The following VIPR2 variants were observed in gnomAD, a reference collection of about 807,000 sequenced individuals.
VIPR2 encodes vasoactive intestinal peptide receptor 2.
A neutral mutation model predicts 58.0 loss-of-function variants in VIPR2; 48 were observed. That is an observed-to-expected ratio of 0.83 (90% CI 0.66 to 1.05). The LOEUF (loss-of-function observed/expected upper bound fraction) is 1.05. VIPR2 is among the 50% of genes least tolerant of loss of function. The pLI is 0.00. For synonymous variants in VIPR2, 243 were observed against 235.2 expected, an observed-to-expected ratio of 1.03 and a Z score of -0.30; for missense variants, 534 against 558.0, an observed-to-expected ratio of 0.96 and a Z score of 0.43.
At chr7:159,035,108 T>A (rs545021919) in intron 8 of VIPR2, among the ~76,000 whole-genome samples, 2 of 152,312 alleles carry the variant, frequency 1.3e-5, no homozygotes, top group African/African-American at 4.8e-5. Flanking sequence ...GCATGGGGTG[T>A]CTCCAGCAGG....
At chr7:159,087,249 C>A (rs1196424932) in intron 4 of VIPR2, among the ~76,000 whole-genome samples, 1 of 131,946 alleles carries the variant, frequency 7.6e-6, no homozygotes, top group Non-Finnish European at 1.6e-5. Context: ...GGCTTCCCAA[C>A]AAACAATAAC....
intron 2 of VIPR2, among the ~76,000 whole-genome samples, chr7:159,138,131 G>A (rs988794921): frequency 2.0e-5 from 3 of 152,224 alleles, no homozygotes; most frequent in Admixed American, 6.5e-5. Flanking sequence ...CAGCATCGCA[G>A]GGCAGCTGAG....
At chr7:159,133,232 T>G (rs376463129) in intron 2 of VIPR2, among the ~76,000 whole-genome samples, 1,947 of 151,762 alleles carry the variant, frequency 0.013, 1 homozygote, top group South Asian at 0.033. Flanking sequence ...AGCAGCCACC[T>G]GAGGCTGAAG....
chr7:159,120,139 C>G (rs898531074), intron 2 of VIPR2, among the ~76,000 whole-genome samples: 2 of 152,228 alleles, frequency 1.3e-5, no homozygotes, highest in Admixed American at 6.5e-5. Flanking sequence ...GCGGCCCACA[C>G]AGCCGTGCCT....
At chr7:159,072,978 A>AT (rs1018066450) in intron 4 of VIPR2, among the ~76,000 whole-genome samples, 12 of 152,320 alleles carry the variant, frequency 7.9e-5, no homozygotes, top group African/African-American at 2.9e-4. Context: ...CAGAAGAGCT[A>AT]TTTTTTTAAA....
Position 159,127,346 on chromosome 7 carries a change from G to A in VIPR2, c.151+15100C>T, listed in dbSNP as rs903114534. Among the ~76,000 whole-genome samples, 2 of 152,166 alleles carry A rather than the reference G, an allele frequency of 1.3e-5. No individual in the cohort carries two copies. Among genetic ancestry groups the A allele is most frequent in the African/African-American group, 4.8e-5 (2 of 41,438 alleles). On this transcript the variant is annotated intron_variant, in intron 2 of 12. Coordinates refer to ENST00000262178, the MANE Select transcript of VIPR2 (RefSeq NM_003382.5). This position sits in a 1 kb window ranked among gnomAD's most constrained non-coding sequence, Gnocchi z 4.6. ...GGGTTCAGGTGGATTCCACAGGCGG[G>A]GGCCACATTCTGGTACCTGAACAAA...
At chr7:159,033,505 T>G (rs1225490172) in intron 10 of VIPR2, among the ~76,000 whole-genome samples, 2 of 152,224 alleles carry the variant, frequency 1.3e-5, no homozygotes, top group Non-Finnish European at 2.9e-5. Flanking sequence ...AATAAATTCT[T>G]GATATAAATT....
At position 159,084,546 on chromosome 7, in the gene VIPR2, G is replaced by A. The variant is rs569130315; in HGVS notation, c.357+19211C>T. Among the ~76,000 whole-genome samples the A allele has an allele frequency of 7.9e-5, 12 of 152,288 alleles. No homozygotes were observed. The East Asian group carries it at 1.4e-3, about 17-fold the overall frequency. On this transcript the variant is annotated intron_variant, in intron 4 of 12. Coordinates refer to ENST00000262178, the MANE Select transcript of VIPR2 (RefSeq NM_003382.5). The stretch of plus-strand genomic sequence containing the variant: ...TTCAGGCTCCTGCAGAGAGGGCGCC[G>A]GGCACGGGATTCAGGGCACTATGCC...
chr7:159,069,346 A>G (rs1041832836), intron 4 of VIPR2, among the ~76,000 whole-genome samples: 1 of 152,162 alleles, frequency 6.6e-6, no homozygotes, highest in Admixed American at 6.5e-5. Flanking sequence ...ACCCACGTGC[A>G]GTCTGGCTGG....
chr7:159,129,977 G>C (rs746749539), intron 2 of VIPR2, among the ~76,000 whole-genome samples: 2 of 121,096 alleles, frequency 1.7e-5, no homozygotes, highest in African/African-American at 7.8e-5. Flanking sequence ...GCGGGGACAG[G>C]GCCAGGTGAC....
intron 3 of VIPR2, among the ~76,000 whole-genome samples, chr7:159,106,951 G>A (rs1330966882): frequency 6.6e-6 from 1 of 151,282 alleles, no homozygotes; most frequent in Non-Finnish European, 1.5e-5. Flanking sequence ...GAGGTACAGA[G>A]AGAGGCCAGG....
At chr7:159,115,862 C>T (rs1796216896) in intron 2 of VIPR2, among the ~76,000 whole-genome samples, 1 of 152,252 alleles carries the variant, frequency 6.6e-6, no homozygotes, top group African/African-American at 2.4e-5. Flanking sequence ...TCTAGTCTTT[C>T]CTAAGCACTC....
In VIPR2 at chr7:159,031,059, C is replaced by T. The variant is rs563623579; in HGVS notation, c.1144-270G>A. ...GCCACTGCCGCGGTAAGCGCAGTCC[C>T]ACAGTCTCAGATAGTTAATATTTCT... On this transcript the variant is annotated intron_variant, in intron 12 of 12. Coordinates refer to ENST00000262178, the MANE Select transcript of VIPR2 (RefSeq NM_003382.5). This position sits in a 1 kb window ranked among gnomAD's most constrained non-coding sequence, Gnocchi z 4.0. 6.6e-6 allele frequency among the ~76,000 whole-genome samples: 1 copy of T among 152,312 alleles called. No individual in the cohort carries two copies. The highest frequency in any genetic ancestry group is 2.1e-4 in the South Asian group (1 of 4,830).
chr7:159,100,172 A>T (rs1386281605), intron 4 of VIPR2, among the ~76,000 whole-genome samples: 2 of 152,194 alleles, frequency 1.3e-5, no homozygotes, highest in African/African-American at 4.8e-5. Flanking sequence ...TGTCCCGACC[A>T]GATGGCAACA....
At chr7:159,103,726 C>T (rs180915809) in intron 4 of VIPR2, 31 bp downstream of exon 4, 2 of 1,572,578 alleles carry the variant, frequency 1.3e-6, no homozygotes, top group East Asian at 2.2e-5. Flanking sequence ...GAAGTGGAAC[C>T]TCACCACCGT....
Position 159,036,687 on chromosome 7 carries a change from T to C in VIPR2, c.748+65A>G, listed in dbSNP as rs949436723. On this transcript the variant is annotated intron_variant, in intron 7 of 12. Coordinates refer to ENST00000262178, the MANE Select transcript of VIPR2 (RefSeq NM_003382.5). ...GGCAAAGTGTTTTCTGAGCTGAAAA[T>C]GTTTGCGTTGTTTGGTCCGATGGGA... 3.9e-6 allele frequency: 6 copies of C among 1,532,372 alleles called. No individual in the cohort carries two copies. In the African/African-American group the frequency reaches 6.8e-5, roughly 17 times the overall value. The allele number at this position is 1,532,372 out of a possible 1,614,324, so 94.9% of individuals were successfully genotyped here.
chr7:159,034,353 T>A (rs755618116), intron 9 of VIPR2, 49 bp from the exon 10 acceptor site: 1 of 1,590,466 alleles, frequency 6.3e-7, no homozygotes, highest in Non-Finnish European at 8.6e-7. Flanking sequence ...GATCCCTAAT[T>A]TGCCCTGAAG....
intron 6 of VIPR2, among the ~76,000 whole-genome samples, chr7:159,041,251 G>A (rs919962172): frequency 2.0e-5 from 3 of 152,222 alleles, no homozygotes; most frequent in Non-Finnish European, 2.9e-5. Context: ...GGGCAGCCAC[G>A]CTGGCTCAGA....
intron 5 of VIPR2, among the ~76,000 whole-genome samples, chr7:159,051,305 A>G (rs1330377844): frequency 6.6e-6 from 1 of 152,230 alleles, no homozygotes; most frequent in Admixed American, 6.5e-5. Flanking sequence ...AAATGTTGCA[A>G]AACTCTTGAA....
Sources: gnomAD v4.1 joint callset for allele counts (sites outside exome capture counted in the v4.1 genomes callset) on GRCh38, gnomAD v4.1.1 for gene constraint, Gnocchi (gnomAD v3.1) non-coding constraint, MANE v1.5 for transcripts, NCBI Gene and HGNC (gene_info 2026-07-23, HGNC 2026-07-21) for gene names.